Variants in ADAMTSL5 observed in about 807,000 individuals in gnomAD.
ADAMTSL5 encodes ADAMTS like 5, also known as ADAMTS-like protein 5.
In ADAMTSL5, 53 loss-of-function variants were observed where a neutral mutation model predicts 51.7. The observed-to-expected ratio is 1.03, with a 90% confidence interval of 0.82 to 1.29. ADAMTSL5 has a LOEUF of 1.29. ADAMTSL5 is among the 50% of genes most tolerant of loss of function. The probability of loss-of-function intolerance (pLI) is 0.00; values close to 1 mark genes in which losing one functional copy is unlikely to be tolerated. For synonymous variants in ADAMTSL5, 285 were observed against 278.7 expected (o/e 1.02, Z -0.23); for missense variants, 770 against 676.2 (o/e 1.14, Z -1.54).
intron 1 of ADAMTSL5, chr19:1,511,610 C>CCCA: frequency 7.9e-7 from 1 of 1,266,650 alleles, no homozygotes; most frequent in Non-Finnish European, 1.0e-6. Flanking sequence ...CCCTCCCCAC[C>CCCA]ATCACTGCTT....
Position 1,510,151 on chromosome 19 carries a change from C to T in ADAMTSL5, c.360G>A (p.Gly120=). The T allele has an allele frequency of 6.2e-7, 1 of 1,609,534 alleles. No individual in the cohort carries two copies. The highest frequency in any genetic ancestry group is 2.2e-5 in the East Asian group (1 of 44,814). Residue 120 remains glycine (G), a splice_region_variant and synonymous_variant, in exon 5 of 12, where the codon GGG becomes GGA. Transcript: ENST00000330475. ...QKTYQWVPFH[G]APNQCDLNCL... ...ACCACAGGAGACCAGACTACTCACC[C>T]CCATGGAAGGGCACCCACTGGTAGG...
Position 1,507,982 on chromosome 19 carries a change from C to A in ADAMTSL5, c.601+16G>T, listed in dbSNP as rs1462024766. The A allele has an allele frequency of 3.2e-6, 5 of 1,574,014 alleles. No homozygotes were observed. In the Admixed American group the frequency reaches 7.4e-5, roughly 23 times the overall value. ...CACTCTGACGTGTGTGCAGGGAGGG[C>A]GGGGCAGGTAGTCACCGGCGTCACG... On this transcript the variant is annotated intron_variant, in intron 7 of 11. Coordinates refer to ENST00000330475, the MANE Select transcript of ADAMTSL5 (RefSeq NM_213604.3).
intron 6 of ADAMTSL5, 144 bp downstream of exon 6, chr19:1,508,299 C>A: frequency 1.0e-6 from 1 of 998,728 alleles, no homozygotes; most frequent in Non-Finnish European, 1.3e-6. Context: ...GGGCTGGGGG[C>A]AGGGCCTGGA....
chr19:1,507,937 C>T, intron 7 of ADAMTSL5, 61 bp downstream of exon 7: 3 of 1,511,192 alleles, frequency 2.0e-6, no homozygotes, highest in South Asian at 1.2e-5. Flanking sequence ...TGCTTCCGGG[C>T]CACGGCTCGT....
In ADAMTSL5 at chr19:1,506,887, G is replaced by A; in HGVS notation, c.894C>T (p.Phe298=). 1.3e-6 allele frequency: 2 copies of A among 1,549,172 alleles called. No homozygotes were observed. Among genetic ancestry groups the A allele is most frequent in the Non-Finnish European group, 1.7e-6 (2 of 1,146,194 alleles). ...GGCTGTAGCGCTCCCGAGGGAGCCA[G>A]AACTCAAACTCGATGCCAGGGTTGG... ...QEPNPGIEFE[F]WLPRERYSPF... is the part of the protein sequence containing the mutation. Residue 298 remains phenylalanine, a synonymous_variant, in exon 10 of 12, where the codon TTC becomes TTT. Transcript: ENST00000330475. The surrounding 1 kb of genome is among the most constrained non-coding windows in gnomAD (Gnocchi z 5.6).
At chr19:1,512,641 A>C (rs942550489) in intron 1 of ADAMTSL5, among the ~76,000 whole-genome samples, 2 of 151,996 alleles carry the variant, frequency 1.3e-5, no homozygotes, top group South Asian at 2.1e-4. Flanking sequence ...GATGGGGCCA[A>C]TGCACTCCAG....
At position 1,508,485 on chromosome 19, in the gene ADAMTSL5, G is replaced by A. The variant is rs1449178315; in HGVS notation, c.447C>T (p.Cys149=). 6.3e-7 allele frequency: 1 copy of A among 1,585,372 alleles called. No homozygotes were observed. Among genetic ancestry groups the A allele is most frequent in the Non-Finnish European group, 8.5e-7 (1 of 1,172,606 alleles). The part of the protein sequence containing the change: ...SFGRVLDGTA[C]SPGAQGVCVA... ...CGCAGACCCCCTGGGCACCCGGGCT[G>A]CAGGCGGTGCCGTCCAGGACGCGGC... is the stretch of plus-strand genomic sequence containing the variant. Residue 149 remains cysteine (C), a synonymous_variant, in exon 6 of 12, where the codon TGC becomes TGT. Transcript: ENST00000330475.
At chr19:1,509,666 A>AAAGGGAAGG (rs149580059) in intron 5 of ADAMTSL5, among the ~76,000 whole-genome samples, 99,085 of 129,570 alleles carry the variant, frequency 0.76, 38,149 homozygotes, top group Admixed American at 0.82. Context: ...GGGAAGGGAG[A>AAAGGGAAGG]AAGGGAAGGA....
Position 1,506,086 on chromosome 19 carries a change from C to T in ADAMTSL5, c.1345G>A (p.Gly449Ser), listed in dbSNP as rs747820135. The change falls in exon 12 of 12, where the codon GGC becomes AGC. Residue 449 changes from glycine to serine, a missense_variant. Gly to Ser is a moderately conservative substitution (Grantham distance 56). Coordinates refer to ENST00000330475, the MANE Select transcript of ADAMTSL5 (RefSeq NM_213604.3). The surrounding 1 kb of genome is among the most constrained non-coding windows in gnomAD (Gnocchi z 5.6). ...GCAGGGCTCCAGGGCCGGGCGTAGC[C>T]GGCGTGGGGCAGCAGCAGCTGGTCC... ...TQDQLLLPHA[G>S]YARPWSPAED... The T allele has an allele frequency of 1.6e-5, 25 of 1,601,210 alleles. No homozygotes were observed. Among genetic ancestry groups the T allele is most frequent in the East Asian group, 2.2e-5 (1 of 44,616 alleles).
Position 1,507,594 on chromosome 19 carries a change from T to C in ADAMTSL5, c.651A>G (p.Arg217=), listed in dbSNP as rs1913014412. ...WNVTLIPEGA[R]HIRVEHRSRN... is the part of the protein sequence containing the mutation. ...GGCTCCTGTGTTCCACGCGGATGTG[T>C]CTGGCGCCCTCGGGGATCAGGGTCA... Residue 217 remains arginine, a synonymous_variant, in exon 8 of 12, where the codon AGA becomes AGG. Coordinates refer to ENST00000330475, the MANE Select transcript of ADAMTSL5 (RefSeq NM_213604.3). 1.2e-6 allele frequency: 2 copies of C among 1,613,294 alleles called. No individual in the cohort carries two copies. The highest frequency in any genetic ancestry group is 2.2e-5 in the East Asian group (1 of 44,876).
In ADAMTSL5 at chr19:1,506,232, C is replaced by T. The variant is rs368973900; in HGVS notation, c.1199G>A (p.Arg400His). ...EVRIQLVYKN[R>H]SPLRAREYVW... ...GTACTCGCGTGCCCGCAGTGGCGAG[C>T]GGTTCTTGTAGACGAGCTGGATGCG... Residue 400 changes from arginine (R) to histidine (H), a missense_variant, in exon 12 of 12, where the codon CGC becomes CAC. Arg to His is a conservative substitution (Grantham distance 29). Transcript: ENST00000330475. This position sits in a 1 kb window ranked among gnomAD's most constrained non-coding sequence, Gnocchi z 5.6. 2.9e-5 allele frequency: 47 copies of T among 1,593,674 alleles called. No individual in the cohort carries two copies. The highest frequency in any genetic ancestry group is 6.7e-5 in the East Asian group (3 of 44,558).
chr19:1,510,461 A>C, intron 3 of ADAMTSL5, 33 bp from the exon 4 acceptor site: 1 of 1,582,288 alleles, frequency 6.3e-7, no homozygotes, highest in Non-Finnish European at 8.6e-7. Context: ...GAGAACCCCC[A>C]GGGACCCCCT....
At position 1,510,745 on chromosome 19, in the gene ADAMTSL5, A is replaced by G. The variant is rs1239015462; in HGVS notation, c.100-15T>C. 2.0e-6 allele frequency: 3 copies of G among 1,529,108 alleles called. No homozygotes were observed. The highest frequency in any genetic ancestry group is 2.6e-6 in the Non-Finnish European group (3 of 1,135,020). 94.7% of individuals were successfully genotyped at this position (1,529,108 alleles called of 1,614,324 possible). On this transcript the variant is annotated splice_polypyrimidine_tract_variant and intron_variant, in intron 2 of 11. Coordinates refer to ENST00000330475, the MANE Select transcript of ADAMTSL5 (RefSeq NM_213604.3). ...TCGCCCGGACCCTACTTGGGGAGAC[A>G]GAGGCACGGTCAGCCTTGTAGGGGG...
chr19:1,510,176 GTCT>G lies in ADAMTSL5; in HGVS notation c.332_334del (p.Lys111del). On this transcript the variant is annotated inframe_deletion, in exon 5 of 12. Transcript: ENST00000330475. Reference sequence around the variant, plus strand: ...CCCATGGAAGGGCACCCACTGGTAGGTCTTCTGGGTGCCCAGGACAGGGCGGCC... The same window carrying G: ...CCCATGGAAGGGCACCCACTGGTAGGTCTGGGTGCCCAGGACAGGGCGGCC... 1.9e-6 allele frequency: 3 copies of G among 1,612,682 alleles called. No homozygotes were observed. Among genetic ancestry groups the G allele is most frequent in the South Asian group, 1.1e-5 (1 of 90,716 alleles).
chr19:1,507,415 A>G lies in ADAMTSL5; in HGVS notation c.689-10T>C, dbSNP rs765677003. The G allele has an allele frequency of 1.8e-5, 29 of 1,581,800 alleles. No homozygotes were observed. The highest frequency in any genetic ancestry group is 2.4e-5 in the Non-Finnish European group (28 of 1,162,630). On this transcript the variant is annotated splice_polypyrimidine_tract_variant and intron_variant, in intron 8 of 11. Transcript: ENST00000330475. ...TCGCCCCCCATCAGTGCTGCAAGGG[A>G]ACAGTCAGCCCTCAGGAACCTGTCG...
chr19:1,508,777 C>A, intron 5 of ADAMTSL5: 1 of 520,922 alleles, frequency 1.9e-6, no homozygotes, highest in Non-Finnish European at 3.2e-6. Context: ...TATCCTGGGG[C>A]TGCATTCATT....
chr19:1,508,735 C>T (rs1913101123), intron 5 of ADAMTSL5, 165 bp from the exon 6 acceptor site: 1 of 914,408 alleles, frequency 1.1e-6, no homozygotes, highest in Non-Finnish European at 1.5e-6. Context: ...CGTAGGTGCT[C>T]TGCGTCCAGC....
intron 6 of ADAMTSL5, 93 bp downstream of exon 6, chr19:1,508,350 G>A: frequency 7.1e-7 from 1 of 1,402,872 alleles, no homozygotes. Flanking sequence ...AGGGGGTGGA[G>A]GCTAATGGGA....
chr19:1,510,245 C>T lies in ADAMTSL5; in HGVS notation c.266G>A (p.Gly89Glu), dbSNP rs1247010923. The T allele has an allele frequency of 6.2e-7, 1 of 1,613,364 alleles. No homozygotes were observed. The highest frequency in any genetic ancestry group is 8.5e-7 in the Non-Finnish European group (1 of 1,179,888). Residue 89 changes from glycine (G) to glutamate (E), a missense_variant, in exon 5 of 12, where the codon GGG becomes GAG. Physicochemically the swap from Gly to Glu is moderately conservative, Grantham distance 98. Transcript: ENST00000330475. ...CTGTAGGTCTCGGAAGGGCACAGCC[C>T]CTGGGGGGCAGTCCTAGGGACAGAG... ...RLCQLPDCPP[G>E]AVPFRDLQCA... is the part of the protein sequence containing the mutation.
Sources: gnomAD v4.1 joint callset for allele counts (sites outside exome capture counted in the v4.1 genomes callset) on GRCh38, gnomAD v4.1.1 for gene constraint, Gnocchi (gnomAD v3.1) non-coding constraint, MANE v1.5 for transcripts, NCBI Gene and HGNC (gene_info 2026-07-23, HGNC 2026-07-21) for gene names.